Variants in COL4A2 observed in about 807,000 individuals in gnomAD.
COL4A2 encodes collagen type IV alpha 2 chain.
COL4A2 carries 99 observed loss-of-function variants against 200.2 expected under a neutral mutation model. The ratio of observed to expected loss-of-function variants is 0.49; its 90% CI spans 0.42 to 0.58. The LOEUF is 0.58. Among genes scored for constraint, COL4A2 ranks in the 20% least tolerant of loss-of-function variants. The pLI is 0.00. For synonymous variants in COL4A2, 897 were observed against 900.6 expected (o/e 1.00, Z 0.07); for missense variants, 1,950 against 2,314.1 (o/e 0.84, Z 3.23).
chr13:110,448,266 T>G (rs1881403710), intron 18 of COL4A2, among the ~76,000 whole-genome samples: 1 of 152,258 alleles, frequency 6.6e-6, no homozygotes, highest in Non-Finnish European at 1.5e-5. Flanking sequence ...ATGTTTCTTT[T>G]GCATTTTTTA....
At position 110,491,167 on chromosome 13, in the gene COL4A2, G is replaced by A. The variant is rs892292142; in HGVS notation, c.3347-66G>A. On this transcript the variant is annotated intron_variant, in intron 36 of 47. Coordinates refer to ENST00000360467, the MANE Select transcript of COL4A2 (RefSeq NM_001846.4). ...GTGTGGTTCTGCACATCCTAGAGCC[G>A]GGGTTCCAGGGAACCCACAGGGGCG... 1.8e-5 allele frequency: 19 copies of A among 1,082,722 alleles called. No individual in the cohort carries two copies. The Middle Eastern group carries it at 7.5e-4, about 43-fold the overall frequency. 67.1% of individuals were successfully genotyped at this position (1,082,722 alleles called of 1,614,324 possible). A position where few individuals can be genotyped will look rare whatever the true frequency, so the allele number is the denominator to read the frequency against.
At chr13:110,505,237 C>T (rs549317989) in intron 45 of COL4A2, among the ~76,000 whole-genome samples, 27 of 152,094 alleles carry the variant, frequency 1.8e-4, no homozygotes, top group Admixed American at 5.9e-4. Context: ...GTAGTCCCAG[C>T]TACTCGGGAG....
rs144996475 is a variant in COL4A2 at position 110,370,764 on chromosome 13, A to G, written c.180+13212A>G. On this transcript the variant is annotated intron_variant, in intron 4 of 47. Transcript: ENST00000360467. The stretch of plus-strand genomic sequence containing the variant: ...TGATTTTCCTCTCTCCCTCTCTCCT[A>G]CTTGTCTAATACTGATCTAATTCAG... Among the ~76,000 whole-genome samples, 4 of 152,168 alleles carry G rather than the reference A, an allele frequency of 2.6e-5. No individual in the cohort carries two copies. The East Asian group carries it at 7.7e-4, about 29-fold the overall frequency.
chr13:110,491,284 C>T lies in COL4A2; in HGVS notation c.3398C>T (p.Pro1133Leu). 1.2e-6 allele frequency: 2 copies of T among 1,601,178 alleles called. No individual in the cohort carries two copies. Among genetic ancestry groups the T allele is most frequent in the East Asian group, 2.2e-5 (1 of 44,448 alleles). ...EKGTEGDIGF[P>L]GITGVTGVQG... ...GGAACAGAAGGTGACATCGGCTTCC[C>T]TGGGATAACAGGCGTGACTGGAGTC... The change falls in exon 37 of 48, where the codon CCT becomes CTT. Residue 1133 changes from proline (P) to leucine (L), a missense_variant. This residue lies in a region of COL4A2 where 1,385 missense variants were observed against 1,720.5 expected (regional missense o/e 0.80). Transcript: ENST00000360467.
intron 4 of COL4A2, among the ~76,000 whole-genome samples, chr13:110,366,973 A>T (rs1197794860): frequency 6.6e-6 from 1 of 152,184 alleles, no homozygotes; most frequent in Non-Finnish European, 1.5e-5. Context: ...TCACCTGGGA[A>T]GCACAAAGCA....
chr13:110,449,534 C>T, intron 18 of COL4A2, 145 bp from the exon 19 acceptor site: 1 of 696,668 alleles, frequency 1.4e-6, no homozygotes, highest in Non-Finnish European at 2.3e-6. Context: ...GAGACCACCC[C>T]ATGTATTAAT....
intron 24 of COL4A2, 55 bp from the exon 25 acceptor site, chr13:110,465,350 A>G: frequency 6.5e-7 from 1 of 1,532,248 alleles, no homozygotes; most frequent in East Asian, 2.3e-5. Context: ...AGGGAAGTCG[A>G]GGCGATCTTT....
chr13:110,307,882 C>T lies in COL4A2; in HGVS notation c.-22C>T. The T allele has an allele frequency of 6.2e-7, 1 of 1,610,012 alleles. No individual in the cohort carries two copies. The highest frequency in any genetic ancestry group is 8.5e-7 in the Non-Finnish European group (1 of 1,178,020). On this transcript the variant is annotated 5_prime_UTR_variant, in exon 2 of 48. Coordinates refer to ENST00000360467, the MANE Select transcript of COL4A2 (RefSeq NM_001846.4). This position sits in a 1 kb window ranked among gnomAD's most constrained non-coding sequence, Gnocchi z 5.0. ...TAGGCTAAGTGGGACTGACCGGGGCCCAGAGTGGACGAACCGCCAGCATGG... is the reference window on the plus strand; with the variant it reads ...TAGGCTAAGTGGGACTGACCGGGGCTCAGAGTGGACGAACCGCCAGCATGG...
intron 3 of COL4A2, among the ~76,000 whole-genome samples, chr13:110,324,788 G>T (rs1377678285): frequency 6.6e-6 from 1 of 152,206 alleles, no homozygotes; most frequent in East Asian, 1.9e-4. Flanking sequence ...GTGTAGGTGG[G>T]GCCTCCCGGC....
At chr13:110,494,465 G>C (rs1173127629) in intron 39 of COL4A2, among the ~76,000 whole-genome samples, 1 of 151,980 alleles carries the variant, frequency 6.6e-6, no homozygotes, top group Non-Finnish European at 1.5e-5. Flanking sequence ...AAGGACATCA[G>C]GCACTAAGTG....
chr13:110,465,446 AG>A lies in COL4A2; in HGVS notation c.1820del (p.Gly607GlufsTer53). ...KGPPGDPGYP[G>X]IPGTKGTPGE... The stretch of plus-strand genomic sequence containing the variant: ...GCCCTCCAGGGGACCCAGGCTATCC[AG>A]GAATACCTGGAACGAAGGGTACTCC... On this transcript the variant is annotated frameshift_variant, in exon 25 of 48. Coordinates refer to ENST00000360467, the MANE Select transcript of COL4A2 (RefSeq NM_001846.4). LOFTEE classifies it high-confidence loss of function. 6.2e-7 allele frequency: 1 copy of A among 1,613,844 alleles called. No homozygotes were observed. Among genetic ancestry groups the A allele is most frequent in the Non-Finnish European group, 8.5e-7 (1 of 1,179,944 alleles).
intron 3 of COL4A2, among the ~76,000 whole-genome samples, chr13:110,313,494 C>A (rs113902028): frequency 0.026 from 3,556 of 136,582 alleles, 37 homozygotes; most frequent in East Asian, 0.063. Flanking sequence ...CCGGCAGGCT[C>A]CCACCCCGGT....
chr13:110,469,095 T>C (rs762576570), intron 27 of COL4A2, 122 bp from the exon 28 acceptor site: 1 of 1,109,848 alleles, frequency 9.0e-7, no homozygotes, highest in Non-Finnish European at 1.3e-6. Context: ...CAGGCTGATA[T>C]TCCCCCCAGC....
chr13:110,404,206 T>A (rs767028304), intron 4 of COL4A2, among the ~76,000 whole-genome samples: 2 of 152,176 alleles, frequency 1.3e-5, no homozygotes, highest in African/African-American at 4.8e-5. Context: ...AATATAAGTA[T>A]GATGTATTTA....
In COL4A2 at chr13:110,491,360, C is replaced by A; in HGVS notation, c.3454+20C>A. 1 of 1,509,016 alleles carries A rather than the reference C, an allele frequency of 6.6e-7. No individual in the cohort carries two copies. Among genetic ancestry groups the A allele is most frequent in the Non-Finnish European group, 9.1e-7 (1 of 1,104,014 alleles). 93.5% of individuals were successfully genotyped at this position (1,509,016 alleles called of 1,614,324 possible). ...AAACAGGTAAAATCTCCCGCAGCCA[C>A]ACAGCCTTCCTCAGGCAGGCCCTCC... is the stretch of plus-strand genomic sequence containing the variant. On this transcript the variant is annotated intron_variant, in intron 37 of 47. Coordinates refer to ENST00000360467, the MANE Select transcript of COL4A2 (RefSeq NM_001846.4).
At chr13:110,315,093 C>T (rs898879977) in intron 3 of COL4A2, among the ~76,000 whole-genome samples, 2 of 152,222 alleles carry the variant, frequency 1.3e-5, no homozygotes, top group Admixed American at 6.5e-5. Context: ...TGAGCAGAGC[C>T]GCCTCTGCCC....
At chr13:110,485,083 C>G (rs1883067525) in intron 33 of COL4A2, 56 bp downstream of exon 33, 1 of 1,450,638 alleles carries the variant, frequency 6.9e-7, no homozygotes, top group Non-Finnish European at 9.2e-7. Flanking sequence ...CCAGCCCGCA[C>G]CAGCTCGTGC....
intron 4 of COL4A2, among the ~76,000 whole-genome samples, chr13:110,370,515 A>G (rs1877958078): frequency 6.6e-6 from 1 of 152,214 alleles, no homozygotes; most frequent in Non-Finnish European, 1.5e-5. Context: ...TTGGCCTCCC[A>G]AAGTGCTGGG....
intron 4 of COL4A2, among the ~76,000 whole-genome samples, chr13:110,387,047 G>T (rs193103649): frequency 1.5e-3 from 228 of 152,284 alleles, no homozygotes; most frequent in African/African-American, 5.3e-3. Context: ...AGACCAGCCT[G>T]GCCAACATGG....
Sources: gnomAD v4.1 joint callset for allele counts (sites outside exome capture counted in the v4.1 genomes callset) on GRCh38, gnomAD v4.1.1 for gene constraint, gnomAD v4.1.1 regional missense constraint, Gnocchi (gnomAD v3.1) non-coding constraint, MANE v1.5 for transcripts, NCBI Gene and HGNC (gene_info 2026-07-23, HGNC 2026-07-21) for gene names.